The following DENND4B variants were observed in gnomAD, a reference collection of about 807,000 sequenced individuals.
The protein encoded by DENND4B is DENN domain containing 4B.
DENND4B carries 67 observed loss-of-function variants against 161.0 expected under a neutral mutation model. That is an observed-to-expected ratio of 0.42 (90% CI 0.34 to 0.51). The LOEUF (loss-of-function observed/expected upper bound fraction) is 0.51. DENND4B is among the 20% of genes least tolerant of loss of function. The pLI, the probability that DENND4B is intolerant of heterozygous loss-of-function variation, is 0.08. For missense variants in DENND4B, 1,481 were observed against 1,968.0 expected (o/e 0.75, Z 4.68); for synonymous variants, 753 against 813.8 (o/e 0.93, Z 1.27).
Position 153,937,278 on chromosome 1 carries a change from G to GA in DENND4B, c.2232+209dup, listed in dbSNP as rs1553204226. ...AGCCCCTGGATTCCCAGAGTGCTCA[G>GA]AAGACGGAGGTGATGATGATGATGA... On this transcript the variant is annotated intron_variant, in intron 15 of 27. Coordinates refer to ENST00000361217, the MANE Select transcript of DENND4B (RefSeq NM_014856.3). This position sits in a 1 kb window ranked among gnomAD's most constrained non-coding sequence, Gnocchi z 4.7. Among the ~76,000 whole-genome samples the GA allele has an allele frequency of 1.3e-5, 2 of 152,364 alleles. No homozygotes were observed. Among genetic ancestry groups the GA allele is most frequent in the East Asian group, 1.9e-4 (1 of 5,188 alleles).
chr1:153,933,394 C>T lies in DENND4B; in HGVS notation c.3331-75G>A. 6.2e-7 allele frequency: 1 copy of T among 1,608,384 alleles called. No homozygotes were observed. The highest frequency in any genetic ancestry group is 8.5e-7 in the Non-Finnish European group (1 of 1,177,286). On this transcript the variant is annotated intron_variant, in intron 20 of 27. Transcript: ENST00000361217. This position sits in a 1 kb window ranked among gnomAD's most constrained non-coding sequence, Gnocchi z 5.7. Reference sequence around the variant, plus strand: ...CAGGATATGTGTTTCAAGCACCCCTCAGAGCCCCCTTTTTGAGCATTCTTC... The same window carrying T: ...CAGGATATGTGTTTCAAGCACCCCTTAGAGCCCCCTTTTTGAGCATTCTTC...
In DENND4B at chr1:153,937,385, G is replaced by A; in HGVS notation, c.2232+103C>T. ...CATTTAAACTCCTAACAACCTCATG[G>A]GTTAAGTATTATTGTTATACCCATT... On this transcript the variant is annotated intron_variant, in intron 15 of 27. Transcript: ENST00000361217. The surrounding 1 kb of genome is among the most constrained non-coding windows in gnomAD (Gnocchi z 4.7). 1 of 1,422,324 alleles carries A rather than the reference G, an allele frequency of 7.0e-7. No individual in the cohort carries two copies. The highest frequency in any genetic ancestry group is 9.2e-7 in the Non-Finnish European group (1 of 1,082,956). The allele number at this position is 1,422,324 out of a possible 1,614,324, so 88.1% of individuals were successfully genotyped here. A position where few individuals can be genotyped will look rare whatever the true frequency, so the allele number is the denominator to read the frequency against.
At chr1:153,939,442 C>T in intron 12 of DENND4B, 147 bp downstream of exon 12, 1 of 879,434 alleles carries the variant, frequency 1.1e-6, no homozygotes, top group Non-Finnish European at 1.7e-6. Context: ...AGTTAAATGG[C>T]TCAAAGCGGG....
At position 153,932,098 on chromosome 1, in the gene DENND4B, T is replaced by C. The variant is rs11264620; in HGVS notation, c.3996+106A>G. The C allele has an allele frequency of 0.31, 340,916 of 1,092,744 alleles. 54,138 individuals carry two copies. The highest frequency in any genetic ancestry group is 0.41 in the Admixed American group (17,597 of 42,596). 67.7% of individuals were successfully genotyped at this position (1,092,744 alleles called of 1,614,324 possible). ...CTGGGATTACAGGCATGAGCCACCGTGCCTGGCCAGTCTATGCTCTTTCTA... is the reference window on the plus strand; with the variant it reads ...CTGGGATTACAGGCATGAGCCACCGCGCCTGGCCAGTCTATGCTCTTTCTA... On this transcript the variant is annotated intron_variant, in intron 24 of 27. Coordinates refer to ENST00000361217, the MANE Select transcript of DENND4B (RefSeq NM_014856.3). The surrounding 1 kb of genome is among the most constrained non-coding windows in gnomAD (Gnocchi z 5.8).
At position 153,933,103 on chromosome 1, in the gene DENND4B, G is replaced by A. The variant is rs967947625; in HGVS notation, c.3454-73C>T. On this transcript the variant is annotated intron_variant, in intron 21 of 27. Coordinates refer to ENST00000361217, the MANE Select transcript of DENND4B (RefSeq NM_014856.3). The surrounding 1 kb of genome is among the most constrained non-coding windows in gnomAD (Gnocchi z 5.7). ...CTCTGGAGCCCATGCCCCTTCCCCA[G>A]CCCCTCCCACCTCCTCCCCATCTCC... The A allele has an allele frequency of 5.0e-6, 8 of 1,610,234 alleles. No homozygotes were observed. The highest frequency in any genetic ancestry group is 6.8e-6 in the Non-Finnish European group (8 of 1,177,306).
chr1:153,934,344 A>T lies in DENND4B; in HGVS notation c.2774-42T>A, dbSNP rs1260770003. 4.6e-6 allele frequency: 7 copies of T among 1,533,090 alleles called. No individual in the cohort carries two copies. In the East Asian group the frequency reaches 1.7e-4, roughly 37 times the overall value. The allele number at this position is 1,533,090 out of a possible 1,614,324, so 95.0% of individuals were successfully genotyped here. ...GGGGTTTAGAGGCGGCCAGCTAGGA[A>T]CCCAGTCCCCTGTTCCAAAATAGAG... is the stretch of plus-strand genomic sequence containing the variant. On this transcript the variant is annotated intron_variant, in intron 18 of 27. Coordinates refer to ENST00000361217, the MANE Select transcript of DENND4B (RefSeq NM_014856.3). This position sits in a 1 kb window ranked among gnomAD's most constrained non-coding sequence, Gnocchi z 5.3.
intron 24 of DENND4B, 122 bp from the exon 25 acceptor site, chr1:153,931,186 G>T: frequency 1.3e-6 from 1 of 769,302 alleles, no homozygotes. Flanking sequence ...AGAGAAGTGG[G>T]AAAGGAATTC....
chr1:153,930,801 C>A lies in DENND4B; in HGVS notation c.4171G>T (p.Ala1391Ser). Residue 1391 changes from alanine (A) to serine (S), a missense_variant, in exon 26 of 28, where the codon GCA (alanine) becomes TCA (serine). By Grantham distance (99) the Ala-to-Ser change is moderately conservative. Transcript: ENST00000361217. The surrounding 1 kb of genome is among the most constrained non-coding windows in gnomAD (Gnocchi z 4.7). ...PGPVPASLSL[A>S]LLESVLRHVG... ...TGGCGCAGCACTGACTCCAACAGTG[C>A]CAAACTAAGGGATGCAGGTACAGGG... 2 of 1,606,572 alleles carry A rather than the reference C, an allele frequency of 1.2e-6. No individual in the cohort carries two copies. The highest frequency in any genetic ancestry group is 1.1e-5 in the South Asian group (1 of 89,690).
Position 153,934,196 on chromosome 1 carries a change from C to G in DENND4B, c.2880G>C (p.Lys960Asn). ...CTCGGGCACTGCCCAGGCTACCACT[C>G]TTCACCAGGCGTCCAGGGGGTGAGG... ...DPASPPGRLV[K>N]SGSLGSARGA... is the part of the protein sequence containing the mutation. The change falls in exon 19 of 28, where the codon AAG becomes AAC. Residue 960 changes from lysine (K) to asparagine (N), a missense_variant. Transcript: ENST00000361217. This position sits in a 1 kb window ranked among gnomAD's most constrained non-coding sequence, Gnocchi z 5.3. 3 of 1,606,466 alleles carry G rather than the reference C, an allele frequency of 1.9e-6. No homozygotes were observed. Among genetic ancestry groups the G allele is most frequent in the South Asian group, 1.1e-5 (1 of 89,958 alleles).
Position 153,937,386 on chromosome 1 carries a change from G to A in DENND4B, c.2232+102C>T. ...ATTTAAACTCCTAACAACCTCATGG[G>A]TTAAGTATTATTGTTATACCCATTT... On this transcript the variant is annotated intron_variant, in intron 15 of 27. Transcript: ENST00000361217. The surrounding 1 kb of genome is among the most constrained non-coding windows in gnomAD (Gnocchi z 4.7). 1 of 1,425,278 alleles carries A rather than the reference G, an allele frequency of 7.0e-7. No homozygotes were observed. Among genetic ancestry groups the A allele is most frequent in the Non-Finnish European group, 9.2e-7 (1 of 1,084,964 alleles). 88.3% of individuals were successfully genotyped at this position (1,425,278 alleles called of 1,614,324 possible).
At position 153,940,079 on chromosome 1, in the gene DENND4B, T is replaced by G. The variant is rs1002064838; in HGVS notation, c.1603+77A>C. ...CTCACCTCCTTAAGAAATGTCTAGCTCCCCACAGACCTCTGCAAACTGGAG... is the reference window on the plus strand; with the variant it reads ...CTCACCTCCTTAAGAAATGTCTAGCGCCCCACAGACCTCTGCAAACTGGAG... On this transcript the variant is annotated intron_variant, in intron 11 of 27. Coordinates refer to ENST00000361217, the MANE Select transcript of DENND4B (RefSeq NM_014856.3). The surrounding 1 kb of genome is among the most constrained non-coding windows in gnomAD (Gnocchi z 5.6). 1 of 1,271,930 alleles carries G rather than the reference T, an allele frequency of 7.9e-7. No individual in the cohort carries two copies. Among genetic ancestry groups the G allele is most frequent in the East Asian group, 2.4e-5 (1 of 41,298 alleles). The allele number at this position is 1,271,930 out of a possible 1,614,324, so 78.8% of individuals were successfully genotyped here.
At chr1:153,938,853 T>A in intron 13 of DENND4B, 47 bp downstream of exon 13, 2 of 1,554,086 alleles carry the variant, frequency 1.3e-6, no homozygotes, top group Non-Finnish European at 1.7e-6. Context: ...ACAGAGACAA[T>A]GAGGGAGACA....
chr1:153,942,477 C>T lies in DENND4B; in HGVS notation c.640+79G>A. The T allele has an allele frequency of 1.3e-6, 2 of 1,562,672 alleles. No homozygotes were observed. Among genetic ancestry groups the T allele is most frequent in the African/African-American group, 1.4e-5 (1 of 73,642 alleles). On this transcript the variant is annotated intron_variant, in intron 4 of 27. Coordinates refer to ENST00000361217, the MANE Select transcript of DENND4B (RefSeq NM_014856.3). The surrounding 1 kb of genome is among the most constrained non-coding windows in gnomAD (Gnocchi z 6.9). The stretch of plus-strand genomic sequence containing the variant: ...GCAAAGAGAAAGTAAACTCTGGGGA[C>T]ACTTAAGGTGCCTGCCAAGAGGCAC...
At position 153,934,298 on chromosome 1, in the gene DENND4B, G is replaced by C. The variant is rs979956876; in HGVS notation, c.2778C>G (p.Pro926=). 1 of 1,584,988 alleles carries C rather than the reference G, an allele frequency of 6.3e-7. No individual in the cohort carries two copies. Among genetic ancestry groups the C allele is most frequent in the Non-Finnish European group, 8.6e-7 (1 of 1,168,122 alleles). Residue 926 remains proline, a synonymous_variant, in exon 19 of 28, where the codon CCC becomes CCG. Transcript: ENST00000361217. The surrounding 1 kb of genome is among the most constrained non-coding windows in gnomAD (Gnocchi z 5.3). The stretch of plus-strand genomic sequence containing the variant: ...GAGTAGGGGAAGGGCGCTCCAAATA[G>C]GGCTCTGTAAAAGACGAGAAGGGGT... The part of the protein sequence containing the change: ...HQEAGSSQAE[P]YLERPSPTRP...
rs1022182085 is a variant in DENND4B, at chr1:153,939,707, T to C, written c.1701A>G (p.Gln567=). 10 of 1,613,818 alleles carry C rather than the reference T, an allele frequency of 6.2e-6. 1 individual carries two copies. The African/African-American group carries it at 6.7e-5, about 11-fold the overall frequency. ...AGGCCATGAAGCGGAGGAAGGCTCC[T>C]TGGACTTCGCGCTCCAGCCGGGCCC... ...GRRARLEREV[Q]GAFLRFMACL... is the part of the protein sequence containing the mutation. The change falls in exon 12 of 28, where the codon CAA becomes CAG. Residue 567 remains glutamine, a synonymous_variant. Transcript: ENST00000361217.
At position 153,930,090 on chromosome 1, in the gene DENND4B, G is replaced by A. The variant is rs1054503207; in HGVS notation, c.*207C>T. ...CCCAGATCTCCCCCAACATCAGCAC[G>A]AACAAACTGGGTAGGTTGGTGATGG... is the stretch of plus-strand genomic sequence containing the variant. On this transcript the variant is annotated 3_prime_UTR_variant, in exon 28 of 28. Transcript: ENST00000361217. The surrounding 1 kb of genome is among the most constrained non-coding windows in gnomAD (Gnocchi z 4.7). 73 of 670,952 alleles carry A rather than the reference G, an allele frequency of 1.1e-4. No homozygotes were observed. In the East Asian group the frequency reaches 1.7e-3, roughly 16 times the overall value. The allele number at this position is 670,952 out of a possible 1,614,324, so 41.6% of individuals were successfully genotyped here. A position where few individuals can be genotyped will look rare whatever the true frequency, so the allele number is the denominator to read the frequency against.
Position 153,936,404 on chromosome 1 carries a change from G to A in DENND4B, c.2439+138C>T, listed in dbSNP as rs1679333376. 8.6e-7 allele frequency: 1 copy of A among 1,167,786 alleles called. No individual in the cohort carries two copies. Among genetic ancestry groups the A allele is most frequent in the African/African-American group, 1.6e-5 (1 of 64,494 alleles). The allele number at this position is 1,167,786 out of a possible 1,614,324, so 72.3% of individuals were successfully genotyped here. ...GAACATGCTTATTCACTCGACGAATGTTTATAGATAATCTGCCCAGCTCTG... is the reference window on the plus strand; with the variant it reads ...GAACATGCTTATTCACTCGACGAATATTTATAGATAATCTGCCCAGCTCTG... On this transcript the variant is annotated intron_variant, in intron 16 of 27. Transcript: ENST00000361217. This position sits in a 1 kb window ranked among gnomAD's most constrained non-coding sequence, Gnocchi z 4.1.
In DENND4B at chr1:153,940,712, T is replaced by C. The variant is rs1557855706; in HGVS notation, c.1327-106A>G. On this transcript the variant is annotated intron_variant, in intron 9 of 27. Transcript: ENST00000361217. The surrounding 1 kb of genome is among the most constrained non-coding windows in gnomAD (Gnocchi z 5.6). ...TTGGCCTTGGGGAGTTGGTGCCTGT[T>C]GAGAGAGGCTGTTGGAAGTAGGCTC... 1.4e-6 allele frequency: 2 copies of C among 1,478,252 alleles called. No homozygotes were observed. The highest frequency in any genetic ancestry group is 1.8e-6 in the Non-Finnish European group (2 of 1,093,892). The allele number at this position is 1,478,252 out of a possible 1,614,324, so 91.6% of individuals were successfully genotyped here.
chr1:153,944,346 A>C lies in DENND4B; in HGVS notation c.29T>G (p.Val10Gly), dbSNP rs781759596. ...AAGCCCAGCTACCACGAAGTAATCC[A>C]CCAGCCGGGGGGGCCGCTCCTCCGC... is the stretch of plus-strand genomic sequence containing the variant. The part of the protein sequence containing the change: MAEERPPRL[V>G]DYFVVAGLAG... Residue 10 changes from valine to glycine, a missense_variant, in exon 2 of 28, where the codon GTG (valine) becomes GGG (glycine). Transcript: ENST00000361217. This position sits in a 1 kb window ranked among gnomAD's most constrained non-coding sequence, Gnocchi z 4.8. 1 of 1,606,768 alleles carries C rather than the reference A, an allele frequency of 6.2e-7. No homozygotes were observed.
Sources: allele counts gnomAD v4.1 joint callset (sites outside exome capture counted in the v4.1 genomes callset), GRCh38; gene constraint gnomAD v4.1.1; non-coding constraint Gnocchi (gnomAD v3.1); transcripts MANE v1.5; gene names NCBI Gene and HGNC (gene_info 2026-07-23, HGNC 2026-07-21).